The following ZNF333 variants were observed in gnomAD, a reference collection of about 807,000 sequenced individuals.
ZNF333 encodes the protein zinc finger protein 333.
ZNF333 carries 61 observed loss-of-function variants against 76.1 expected under a neutral mutation model. The ratio of observed to expected loss-of-function variants is 0.80; its 90% CI spans 0.65 to 0.99. The LOEUF is 0.99. Ranked by LOEUF, ZNF333 falls within the 50% of genes least tolerant of loss-of-function variation. ZNF333 has a pLI of 0.00. For missense variants in ZNF333, 717 were observed against 822.4 expected, an observed-to-expected ratio of 0.87 and a Z score of 1.57; for synonymous variants, 284 against 305.0, an observed-to-expected ratio of 0.93 and a Z score of 0.72.
intron 4 of ZNF333, among the ~76,000 whole-genome samples, chr19:14,696,147 G>T (rs1973169052): frequency 6.6e-6 from 1 of 152,144 alleles, no homozygotes; most frequent in South Asian, 2.1e-4. Context: ...CTCCAGCCTG[G>T]GGGATAGAGC....
At chr19:14,696,715 C>A (rs904449613) in intron 4 of ZNF333, among the ~76,000 whole-genome samples, 1 of 147,934 alleles carries the variant, frequency 6.8e-6, no homozygotes, top group Non-Finnish European at 1.5e-5. Flanking sequence ...GGGCAGATTC[C>A]TCGTGACCTA....
At chr19:14,695,502 CAA>C (rs1351301059) in intron 3 of ZNF333, 62 bp from the exon 4 acceptor site, 10 of 1,481,534 alleles carry the variant, frequency 6.7e-6, no homozygotes, top group Non-Finnish European at 9.4e-6. Flanking sequence ...AGTTGAGAAA[CAA>C]GAGTTTGTTT....
chr19:14,717,540 A>G (rs891618044), intron 10 of ZNF333, 117 bp from the exon 11 acceptor site: 14 of 820,268 alleles, frequency 1.7e-5, no homozygotes, highest in Non-Finnish European at 2.4e-5. Context: ...CTTCCCGTAC[A>G]TAGGACCAGT....
chr19:14,715,584 G>T, intron 8 of ZNF333, 114 bp downstream of exon 8: 1 of 986,172 alleles, frequency 1.0e-6, no homozygotes, highest in African/African-American at 1.6e-5. Context: ...TGCTTTCAGG[G>T]ACTGGGCCTC....
At chr19:14,708,974 G>A (rs1157077625) in intron 7 of ZNF333, 2 of 152,244 alleles carry the variant, frequency 1.3e-5, no homozygotes, top group Admixed American at 1.3e-4. Flanking sequence ...GTAATCTCCA[G>A]TGTTGGAGGA....
At chr19:14,706,333 G>A (rs4809215) in intron 6 of ZNF333, 2 of 380,628 alleles carry the variant, frequency 5.3e-6, no homozygotes, top group South Asian at 2.0e-5. Flanking sequence ...TGCCTGCTCC[G>A]CATTCACGCA....
rs1270228374 is a variant in ZNF333 at position 14,717,109 on chromosome 19, G to A, written c.823+20G>A. ...GTGCAGGTGAGCCCAGGCAGATCAG[G>A]TGAGCATCAGCTCTGGTCAGTAAGG... On this transcript the variant is annotated intron_variant, in intron 10 of 11. Transcript: ENST00000292530. 6.3e-7 allele frequency: 1 copy of A among 1,586,790 alleles called. No individual in the cohort carries two copies.
intron 6 of ZNF333, chr19:14,706,120 C>T (rs1459862621): frequency 4.4e-6 from 2 of 457,658 alleles, no homozygotes; most frequent in Admixed American, 4.7e-5. Context: ...TGCTGCCATC[C>T]TGCCCAGAGC....
At chr19:14,704,883 A>C (rs111307201) in intron 5 of ZNF333, among the ~76,000 whole-genome samples, 171 bp from the exon 6 acceptor site, 1 of 152,186 alleles carries the variant, frequency 6.6e-6, no homozygotes, top group Non-Finnish European at 1.5e-5. Flanking sequence ...GCCTCAAGCA[A>C]TTCTTCACCT....
At chr19:14,694,228 T>C (rs1271261650) in intron 2 of ZNF333, among the ~76,000 whole-genome samples, 2 of 152,100 alleles carry the variant, frequency 1.3e-5, no homozygotes, top group African/African-American at 4.8e-5. Flanking sequence ...ATCCCAGCAC[T>C]TTGGGAGGCC....
chr19:14,718,867 C>A lies in ZNF333; in HGVS notation c.1540C>A (p.Pro514Thr). 6.2e-7 allele frequency: 1 copy of A among 1,614,148 alleles called. No homozygotes were observed. Among genetic ancestry groups the A allele is most frequent in the South Asian group, 1.1e-5 (1 of 91,078 alleles). The change falls in exon 12 of 12, where the codon CCC (proline) becomes ACC (threonine). Residue 514 changes from proline to threonine, a missense_variant. By Grantham distance (38) the Pro-to-Thr change is conservative. Coordinates refer to ENST00000292530, the MANE Select transcript of ZNF333 (RefSeq NM_032433.4). ...KPYECNQCGK[P>T]FRTSTHLNVH... ...ATATGAATGCAACCAGTGTGGCAAG[C>A]CCTTCCGGACGAGCACTCATCTGAA...
chr19:14,696,728 C>T (rs1284832097), intron 4 of ZNF333, among the ~76,000 whole-genome samples: 3 of 132,602 alleles, frequency 2.3e-5, no homozygotes, highest in East Asian at 4.7e-4. Context: ...GTGACCTAAT[C>T]ACCTTTTTTT....
chr19:14,719,022 G>C lies in ZNF333; in HGVS notation c.1695G>C (p.Gln565His). The C allele has an allele frequency of 6.2e-7, 1 of 1,613,934 alleles. No homozygotes were observed. Among genetic ancestry groups the C allele is most frequent in the South Asian group, 1.1e-5 (1 of 91,066 alleles). ...CTGGAGAGAAGCCCTATGTGTGCCA[G>C]GAATGTGGGCGAGCCTTCAGTGAGC... ...THTGEKPYVC[Q>H]ECGRAFSEPS... Residue 565 changes from glutamine to histidine, a missense_variant, in exon 12 of 12, where the codon CAG (glutamine) becomes CAC (histidine). Transcript: ENST00000292530.
At position 14,719,481 on chromosome 19, in the gene ZNF333, A is replaced by C; in HGVS notation, c.*156A>C. 1.8e-6 allele frequency: 2 copies of C among 1,101,018 alleles called. No individual in the cohort carries two copies. Among genetic ancestry groups the C allele is most frequent in the South Asian group, 3.6e-5 (2 of 55,120 alleles). 68.2% of individuals were successfully genotyped at this position (1,101,018 alleles called of 1,614,324 possible). A position where few individuals can be genotyped will look rare whatever the true frequency, so the allele number is the denominator to read the frequency against. The stretch of plus-strand genomic sequence containing the variant: ...TTATCGTTTATTCTTTGACCCATCT[A>C]TTATTTGGAATTAGATTTTTCAAAA... On this transcript the variant is annotated 3_prime_UTR_variant, in exon 12 of 12. Coordinates refer to ENST00000292530, the MANE Select transcript of ZNF333 (RefSeq NM_032433.4).
At position 14,695,641 on chromosome 19, in the gene ZNF333, T is replaced by G; in HGVS notation, c.203T>G (p.Ile68Ser). The change falls in exon 4 of 12, where the codon ATT (isoleucine) becomes AGT (serine). Residue 68 changes from isoleucine to serine, a missense_variant. Transcript: ENST00000292530. ...GAGCCAAAGGCAACAGAACGAGGGA[T>G]TCTCCGTGCCACAGGTGTTGGTGAG... ...RAEPKATERG[I>S]LRATGVAWES... 6.2e-7 allele frequency: 1 copy of G among 1,614,094 alleles called. No homozygotes were observed. Among genetic ancestry groups the G allele is most frequent in the South Asian group, 1.1e-5 (1 of 91,078 alleles).
downstream of ZNF333, among the ~76,000 whole-genome samples, chr19:14,726,194 C>A (rs867306056): frequency 6.6e-6 from 1 of 152,312 alleles, no homozygotes; most frequent in Middle Eastern, 3.4e-3. Context: ...TGAGCCAAGG[C>A]TGGAGCCTTG....
intron 1 of ZNF333, among the ~76,000 whole-genome samples, chr19:14,690,954 G>C (rs1313586585): frequency 6.6e-6 from 1 of 152,034 alleles, no homozygotes; most frequent in Non-Finnish European, 1.5e-5. Flanking sequence ...TTAGCCGAGC[G>C]TAGTGGTGGG....
exon 12 of ZNF333, chr19:14,731,283 T>C: frequency 1.6e-6 from 2 of 1,217,910 alleles, no homozygotes; most frequent in Non-Finnish European, 2.3e-6. Context: ...GCTTGAAGAC[T>C]CCAAATCTGC....
exon 12 of ZNF333, chr19:14,731,219 G>C (rs1338929068): frequency 3.3e-6 from 5 of 1,531,168 alleles, no homozygotes; most frequent in Non-Finnish European, 3.5e-6. Flanking sequence ...GTACTCTCTT[G>C]CATGTTCAGA....
Sources: allele counts gnomAD v4.1 joint callset (sites outside exome capture counted in the v4.1 genomes callset), GRCh38; gene constraint gnomAD v4.1.1; transcripts MANE v1.5; gene names NCBI Gene and HGNC (gene_info 2026-07-23, HGNC 2026-07-21).